Variants in BASP1 observed in about 807,000 individuals in gnomAD.
BASP1 encodes brain abundant membrane attached signal protein 1, also known as brain acid soluble protein 1.
BASP1 carries 1 observed loss-of-function variant against 2.2 expected under a neutral mutation model. The observed-to-expected ratio is 0.46, with a 90% CI of 0.16 to 2.17. BASP1 has a LOEUF of 2.17. Ranked by LOEUF, BASP1 falls within the 30% of genes most tolerant of loss-of-function variation. The pLI is 0.27. For missense variants in BASP1, 352 were observed against 327.2 expected (o/e 1.08, Z -0.58); for synonymous variants, 187 against 154.2 (o/e 1.21, Z -1.58).
At chr5:17,250,527 G>C (rs1740081171) in intron 1 of BASP1, among the ~76,000 whole-genome samples, 1 of 152,196 alleles carries the variant, frequency 6.6e-6, no homozygotes, top group African/African-American at 2.4e-5. Flanking sequence ...AGAAAAGTTT[G>C]TTTGAGAGAT....
intron 1 of BASP1, among the ~76,000 whole-genome samples, chr5:17,241,728 G>A (rs1379635779): frequency 6.6e-6 from 1 of 152,186 alleles, no homozygotes; most frequent in Non-Finnish European, 1.5e-5. Flanking sequence ...GTGCCACCAT[G>A]GGTGTCCCTC....
chr5:17,226,572 T>A (rs1293743324), intron 1 of BASP1, among the ~76,000 whole-genome samples: 1 of 152,042 alleles, frequency 6.6e-6, no homozygotes, highest in Non-Finnish European at 1.5e-5. Flanking sequence ...TTCCTCGGAG[T>A]TATTGGGTCT....
At chr5:17,229,224 T>G (rs1380843240) in intron 1 of BASP1, among the ~76,000 whole-genome samples, 1 of 152,162 alleles carries the variant, frequency 6.6e-6, no homozygotes, top group Non-Finnish European at 1.5e-5. Context: ...GATAACACAT[T>G]TAACTACTTC....
intron 1 of BASP1, among the ~76,000 whole-genome samples, chr5:17,223,987 G>A (rs1739439920): frequency 6.6e-6 from 1 of 152,346 alleles, no homozygotes; most frequent in East Asian, 1.9e-4. Flanking sequence ...ATGTAAAGAT[G>A]TTGTGATCTA....
intron 1 of BASP1, among the ~76,000 whole-genome samples, chr5:17,254,937 G>A (rs1463066233): frequency 5.3e-5 from 8 of 152,170 alleles, no homozygotes; most frequent in East Asian, 1.9e-4. Flanking sequence ...TGAGACTGAC[G>A]GGTATCTTGG....
chr5:17,237,862 C>T (rs1351764239), intron 1 of BASP1, among the ~76,000 whole-genome samples: 2 of 151,832 alleles, frequency 1.3e-5, no homozygotes, highest in Non-Finnish European at 2.9e-5. Flanking sequence ...CCACCCACGT[C>T]GGCCTCCCAA....
At chr5:17,224,936 G>A (rs1402487479) in intron 1 of BASP1, among the ~76,000 whole-genome samples, 1 of 152,220 alleles carries the variant, frequency 6.6e-6, no homozygotes. Flanking sequence ...CGTCCACGCA[G>A]GATCCACTTA....
rs748938177 is a variant in BASP1, at chr5:17,267,817, CTTTTT to C, written c.-9-7371_-9-7367del. Among the ~76,000 whole-genome samples, 17 of 33,428 alleles carry C rather than the reference CTTTTT, an allele frequency of 5.1e-4. No homozygotes were observed. In the South Asian group the frequency reaches 6.0e-3, roughly 12 times the overall value. The allele number at this position is 33,428 out of a possible 152,430, so 21.9% of individuals were successfully genotyped here. A position where few individuals can be genotyped will look rare whatever the true frequency, so the allele number is the denominator to read the frequency against. ...CAGGCGTGAGCCACCGCTCCCAGCC[CTTTTT>C]TTTTTTTTTTTTTTTTTTTGCTTTT... On this transcript the variant is annotated intron_variant, in intron 1 of 1. Coordinates refer to ENST00000322611, the MANE Select transcript of BASP1 (RefSeq NM_006317.5).
At chr5:17,268,300 A>G (rs1301173943) in intron 1 of BASP1, among the ~76,000 whole-genome samples, 3 of 152,138 alleles carry the variant, frequency 2.0e-5, no homozygotes, top group Admixed American at 6.5e-5. Context: ...TTTTTTTCTT[A>G]TACGGCATTT....
chr5:17,276,432 A>G lies in BASP1; in HGVS notation c.*532A>G, dbSNP rs946082448. On this transcript the variant is annotated 3_prime_UTR_variant, in exon 2 of 2. Coordinates refer to ENST00000322611, the MANE Select transcript of BASP1 (RefSeq NM_006317.5). ...TTTTGATATTTTTTTAATGTTGTGGATGAATGCCAGCTTTCAGACAGAGCC... is the reference window on the plus strand; with the variant it reads ...TTTTGATATTTTTTTAATGTTGTGGGTGAATGCCAGCTTTCAGACAGAGCC... The G allele has an allele frequency of 6.0e-6, 1 of 167,014 alleles. No homozygotes were observed. The highest frequency in any genetic ancestry group is 2.4e-5 in the African/African-American group (1 of 41,420). 10.3% of individuals were successfully genotyped at this position (167,014 alleles called of 1,614,324 possible).
chr5:17,219,337 G>T (rs1739345043), intron 1 of BASP1, among the ~76,000 whole-genome samples: 1 of 152,160 alleles, frequency 6.6e-6, no homozygotes. Context: ...GGAAACCCTT[G>T]GACACCAATG....
intron 1 of BASP1, among the ~76,000 whole-genome samples, chr5:17,256,025 T>A (rs1416859642): frequency 1.3e-5 from 2 of 152,186 alleles, no homozygotes; most frequent in East Asian, 3.9e-4. Flanking sequence ...GCTGAGGGAA[T>A]CTTGAGGTGT....
intron 1 of BASP1, among the ~76,000 whole-genome samples, chr5:17,272,298 G>A (rs1740544275): frequency 6.6e-6 from 1 of 152,100 alleles, no homozygotes; most frequent in African/African-American, 2.4e-5. Context: ...TTCCTGGGCT[G>A]AGAGCTTTGC....
chr5:17,246,057 A>C (rs1438926078), intron 1 of BASP1, among the ~76,000 whole-genome samples: 1 of 152,230 alleles, frequency 6.6e-6, no homozygotes, highest in Admixed American at 6.5e-5. Flanking sequence ...TTATTGGAGA[A>C]GGTTTCTCTG....
At chr5:17,250,583 T>C (rs1414822595) in intron 1 of BASP1, among the ~76,000 whole-genome samples, 1 of 152,076 alleles carries the variant, frequency 6.6e-6, no homozygotes, top group South Asian at 2.1e-4. Context: ...GTCTAATGTA[T>C]TGAAGTTTAT....
intron 1 of BASP1, among the ~76,000 whole-genome samples, chr5:17,228,217 T>C (rs1175654678): frequency 6.6e-6 from 1 of 152,214 alleles, no homozygotes; most frequent in Non-Finnish European, 1.5e-5. Flanking sequence ...CTGGATTTAT[T>C]TCTGCCATCC....
At chr5:17,250,245 C>A (rs1366749460) in intron 1 of BASP1, among the ~76,000 whole-genome samples, 1 of 152,178 alleles carries the variant, frequency 6.6e-6, no homozygotes, top group African/African-American at 2.4e-5. Context: ...CCGCGCCCGG[C>A]CCTGATTTTA....
intron 1 of BASP1, among the ~76,000 whole-genome samples, chr5:17,223,317 A>G (rs1023660968): frequency 2.0e-5 from 3 of 152,230 alleles, no homozygotes; most frequent in Non-Finnish European, 2.9e-5. Flanking sequence ...GGTTACTGTA[A>G]GTATTAAACA....
chr5:17,233,607 T>A (rs1451805951), intron 1 of BASP1, among the ~76,000 whole-genome samples: 1 of 152,204 alleles, frequency 6.6e-6, no homozygotes, highest in Non-Finnish European at 1.5e-5. Context: ...ACCTACTGTA[T>A]GTTTTGTTTG....
Sources: allele counts gnomAD v4.1 joint callset (sites outside exome capture counted in the v4.1 genomes callset), GRCh38; gene constraint gnomAD v4.1.1; transcripts MANE v1.5; gene names NCBI Gene and HGNC (gene_info 2026-07-23, HGNC 2026-07-21).